Variants in SBF2 observed in about 807,000 individuals in gnomAD.
SBF2 encodes the protein myotubularin-related protein 13.
In SBF2, 112 loss-of-function variants were observed where a neutral mutation model predicts 225.2. The observed-to-expected ratio is 0.50, with a 90% CI of 0.43 to 0.58. The LOEUF is 0.58. Among genes scored for constraint, SBF2 ranks in the 20% least tolerant of loss-of-function variants. The probability of loss-of-function intolerance (pLI) is 0.00; values close to 1 mark genes in which losing one functional copy is unlikely to be tolerated. For missense variants in SBF2, 1,996 were observed against 2,206.2 expected, an observed-to-expected ratio of 0.90 and a Z score of 1.91; for synonymous variants, 763 against 773.3, an observed-to-expected ratio of 0.99 and a Z score of 0.22.
chr11:10,021,158 G>A (rs2134596496), intron 6 of SBF2, among the ~76,000 whole-genome samples: 1 of 152,292 alleles, frequency 6.6e-6, no homozygotes, highest in East Asian at 1.9e-4. Context: ...AGTATACTGT[G>A]AAAACTGTTG....
At chr11:9,959,841 A>T in intron 16 of SBF2, 1 of 551,560 alleles carries the variant, frequency 1.8e-6, no homozygotes, top group Non-Finnish European at 3.5e-6. Flanking sequence ...AGGCTGCGAG[A>T]GTGAGGAGAG....
chr11:10,250,400 T>C (rs1960231391), intron 1 of SBF2, among the ~76,000 whole-genome samples: 1 of 152,220 alleles, frequency 6.6e-6, no homozygotes, highest in Non-Finnish European at 1.5e-5. Context: ...CTTGAGTCCT[T>C]AAGGCTCTTG....
chr11:9,832,461 G>A (rs758238184), intron 26 of SBF2, 41 bp from the exon 27 acceptor site: 10 of 1,424,102 alleles, frequency 7.0e-6, no homozygotes, highest in Non-Finnish European at 8.9e-6. Flanking sequence ...ATTGGGGGAA[G>A]GAACAGAGGG....
intron 17 of SBF2, among the ~76,000 whole-genome samples, chr11:9,890,590 T>G (rs1860719725): frequency 6.6e-6 from 1 of 152,202 alleles, no homozygotes. Context: ...ATGATTGCAC[T>G]TAAGGTGAAT....
intron 26 of SBF2, chr11:9,838,788 T>C (rs1169008721): frequency 6.6e-6 from 1 of 152,156 alleles, no homozygotes; most frequent in Non-Finnish European, 1.5e-5. Context: ...ATGACTAAAC[T>C]TGTGGATGGT....
Position 9,940,396 on chromosome 11 carries a change from C to G in SBF2, c.1860+21561G>C, listed in dbSNP as rs1423149404. 2.6e-5 allele frequency among the ~76,000 whole-genome samples: 4 copies of G among 152,128 alleles called. No homozygotes were observed. In the East Asian group the frequency reaches 7.7e-4, roughly 29 times the overall value. On this transcript the variant is annotated intron_variant, in intron 16 of 39. Coordinates refer to ENST00000256190, the MANE Select transcript of SBF2 (RefSeq NM_030962.4). The stretch of plus-strand genomic sequence containing the variant: ...CTCCAGCCTGGGCAACACAGCGAGA[C>G]TCTGCCTCAAAAAAAAATTTTTTTT...
intron 9 of SBF2, among the ~76,000 whole-genome samples, chr11:9,997,536 T>C (rs1947756076): frequency 6.6e-6 from 1 of 152,118 alleles, no homozygotes; most frequent in Non-Finnish European, 1.5e-5. Context: ...CCCAGCACTT[T>C]GGGAGGCCAA....
At chr11:10,193,492 C>T (rs1239556158) in intron 2 of SBF2, among the ~76,000 whole-genome samples, 1 of 151,440 alleles carries the variant, frequency 6.6e-6, no homozygotes, top group Non-Finnish European at 1.5e-5. Context: ...GTAGCTGGGA[C>T]TACAGACGCC....
At chr11:9,987,946 A>G (rs989168287) in intron 13 of SBF2, among the ~76,000 whole-genome samples, 1 of 152,206 alleles carries the variant, frequency 6.6e-6, no homozygotes, top group African/African-American at 2.4e-5. Context: ...ACTAAAAAAG[A>G]GCCCGCATAG....
At chr11:10,182,000 A>G (rs1175259594) in intron 2 of SBF2, among the ~76,000 whole-genome samples, 1 of 152,156 alleles carries the variant, frequency 6.6e-6, no homozygotes, top group African/African-American at 2.4e-5. Context: ...AGGCCACCAA[A>G]TACTTCATCT....
In SBF2 at chr11:9,779,880, A is replaced by C; in HGVS notation, c.*538T>G. ...AATGACGTCTCTTGTTGTGAACCCC[A>C]CTGGCAGAGCACGGACCATGGAAGC... On this transcript the variant is annotated 3_prime_UTR_variant, in exon 40 of 40. Coordinates refer to ENST00000256190, the MANE Select transcript of SBF2 (RefSeq NM_030962.4). 1 of 190,820 alleles carries C rather than the reference A, an allele frequency of 5.2e-6. No individual in the cohort carries two copies. The allele number at this position is 190,820 out of a possible 1,614,324, so 11.8% of individuals were successfully genotyped here. A position where few individuals can be genotyped will look rare whatever the true frequency, so the allele number is the denominator to read the frequency against.
chr11:10,089,520 C>T (rs1951700507), intron 2 of SBF2, among the ~76,000 whole-genome samples: 1 of 152,096 alleles, frequency 6.6e-6, no homozygotes, highest in Admixed American at 6.6e-5. Flanking sequence ...TTTCTCTATT[C>T]CCTGACTTAC....
At chr11:10,254,608 TAAA>T (rs577267923) in intron 1 of SBF2, among the ~76,000 whole-genome samples, 1 of 142,986 alleles carries the variant, frequency 7.0e-6, no homozygotes, top group Admixed American at 7.0e-5. Flanking sequence ...ATTCAGCCTT[TAAA>T]AAAAAAAAAA....
At chr11:9,821,151 T>C (rs185890588) in intron 28 of SBF2, among the ~76,000 whole-genome samples, 1 of 152,356 alleles carries the variant, frequency 6.6e-6, no homozygotes, top group African/African-American at 2.4e-5. Context: ...TCAGGTACTT[T>C]TTGGTTTACA....
chr11:9,850,878 G>A (rs1856874101), intron 21 of SBF2, among the ~76,000 whole-genome samples: 1 of 152,178 alleles, frequency 6.6e-6, no homozygotes, highest in South Asian at 2.1e-4. Flanking sequence ...GCTCACGCCT[G>A]TAATCCCAGC....
At chr11:10,088,641 C>G (rs1951668247) in intron 2 of SBF2, among the ~76,000 whole-genome samples, 1 of 152,136 alleles carries the variant, frequency 6.6e-6, no homozygotes, top group Non-Finnish European at 1.5e-5. Context: ...CTCTTTATAA[C>G]AACCAGCTCT....
intron 17 of SBF2, among the ~76,000 whole-genome samples, chr11:9,860,576 C>T (rs537591298): frequency 6.6e-6 from 1 of 152,076 alleles, no homozygotes; most frequent in African/African-American, 2.4e-5. Context: ...AGTGATCCAC[C>T]TGCCTTGGCC....
intron 6 of SBF2, among the ~76,000 whole-genome samples, chr11:10,018,305 A>G (rs1948723190): frequency 6.6e-6 from 1 of 152,154 alleles, no homozygotes; most frequent in African/African-American, 2.4e-5. Flanking sequence ...AGTGAAGACG[A>G]AAGACTGGTA....
At chr11:10,284,746 G>A (rs1200351348) in intron 1 of SBF2, among the ~76,000 whole-genome samples, 2 of 151,814 alleles carry the variant, frequency 1.3e-5, no homozygotes, top group Non-Finnish European at 2.9e-5. Context: ...AAGCAGCTGG[G>A]ACTACAGGCA....
Sources: gnomAD v4.1 joint callset for allele counts (sites outside exome capture counted in the v4.1 genomes callset) on GRCh38, gnomAD v4.1.1 for gene constraint, MANE v1.5 for transcripts, NCBI Gene and HGNC (gene_info 2026-07-23, HGNC 2026-07-21) for gene names.